The following CSMD3 variants were observed in gnomAD, a reference collection of about 807,000 sequenced individuals.
CSMD3 encodes CUB and sushi domain-containing protein 3.
Under a neutral mutation model 435.2 loss-of-function variants are expected in CSMD3, and 177 were observed. That is an observed-to-expected ratio of 0.41 (90% CI 0.36 to 0.46). CSMD3 has a LOEUF of 0.46. CSMD3 is among the 20% of genes least tolerant of loss of function. CSMD3 has a pLI of 0.34. For missense variants in CSMD3, 4,265 were observed against 4,504.6 expected, an observed-to-expected ratio of 0.95 and a Z score of 1.52; for synonymous variants, 1,656 against 1,520.5, an observed-to-expected ratio of 1.09 and a Z score of -2.07.
intron 1 of CSMD3, among the ~76,000 whole-genome samples, chr8:113,338,110 T>C (rs2094090705): frequency 6.6e-6 from 1 of 151,578 alleles, no homozygotes; most frequent in South Asian, 2.1e-4. Flanking sequence ...CAAAATGAAA[T>C]AAACAAGCCA....
intron 13 of CSMD3, among the ~76,000 whole-genome samples, chr8:112,749,901 A>G (rs2077527419): frequency 6.6e-6 from 1 of 152,132 alleles, no homozygotes; most frequent in South Asian, 2.1e-4. Context: ...ACTGCTGCAC[A>G]AAGATTAGAG....
chr8:112,597,967 A>T (rs1474249600), intron 22 of CSMD3, among the ~76,000 whole-genome samples: 1 of 145,418 alleles, frequency 6.9e-6, no homozygotes, highest in East Asian at 2.0e-4. Context: ...CAAGACAGGG[A>T]TGTCCTCTCT....
At chr8:112,682,104 C>T (rs1277248500) in intron 16 of CSMD3, among the ~76,000 whole-genome samples, 4 of 150,594 alleles carry the variant, frequency 2.7e-5, no homozygotes, top group Non-Finnish European at 4.4e-5. Flanking sequence ...GATAACATAC[C>T]GAGAAAAAAT....
chr8:112,575,524 T>C (rs1829869585), intron 23 of CSMD3, among the ~76,000 whole-genome samples: 1 of 152,064 alleles, frequency 6.6e-6, no homozygotes, highest in Non-Finnish European at 1.5e-5. Context: ...ATTTGGATAC[T>C]AGAGGGCTGT....
In CSMD3 at chr8:113,168,519, CAAAAAAAAAAA is replaced by C. The variant is rs71281204; in HGVS notation, c.709+5192_709+5202del. Among the ~76,000 whole-genome samples the C allele has an allele frequency of 9.8e-3, 166 of 17,014 alleles. 2 individuals are homozygous for C. Among genetic ancestry groups the C allele is most frequent in the Admixed American group, 0.016 (20 of 1,226 alleles). The allele number at this position is 17,014 out of a possible 152,430, so 11.2% of individuals were successfully genotyped here. On this transcript the variant is annotated intron_variant, in intron 4 of 70. Transcript: ENST00000297405. The stretch of plus-strand genomic sequence containing the variant: ...CTGGTGACAGAGCAAGACTCTGTCT[CAAAAAAAAAAA>C]AAAAAAAAAAAAAAAAACTACAGAT...
intron 61 of CSMD3, among the ~76,000 whole-genome samples, chr8:112,260,295 T>C (rs879540271): frequency 1.3e-5 from 2 of 152,128 alleles, no homozygotes; most frequent in Non-Finnish European, 2.9e-5. Context: ...ACCTTAGGCC[T>C]TATGACAATG....
At chr8:112,792,815 C>A (rs2132296685) in intron 13 of CSMD3, among the ~76,000 whole-genome samples, 1 of 152,100 alleles carries the variant, frequency 6.6e-6, no homozygotes, top group South Asian at 2.1e-4. Flanking sequence ...ATTCAAATCT[C>A]TAGCTTCTTT....
intron 1 of CSMD3, among the ~76,000 whole-genome samples, chr8:113,409,079 CTTTTTTTTTTTTT>C (rs1218107775): frequency 4.0e-5 from 4 of 99,068 alleles, no homozygotes; most frequent in Non-Finnish European, 5.8e-5. Context: ...TCTTCTTCTT[CTTTTTTTTTTTTT>C]TTTTTTTTTG....
chr8:112,318,806 GAAAT>G (rs748895920), intron 47 of CSMD3, 27 bp downstream of exon 47: 2 of 1,399,390 alleles, frequency 1.4e-6, no homozygotes, highest in Admixed American at 1.7e-5. Context: ...AAATATTTAA[GAAAT>G]AAATAATCAT....
At chr8:113,262,342 T>A (rs2093433895) in intron 3 of CSMD3, among the ~76,000 whole-genome samples, 1 of 152,082 alleles carries the variant, frequency 6.6e-6, no homozygotes, top group African/African-American at 2.4e-5. Context: ...CATCTTTTAA[T>A]CTTCTATTCT....
intron 31 of CSMD3, among the ~76,000 whole-genome samples, chr8:112,483,659 C>T (rs1438974017): frequency 6.6e-6 from 1 of 152,124 alleles, no homozygotes; most frequent in East Asian, 1.9e-4. Context: ...CCCTGATCTA[C>T]TCCAGAATCT....
At chr8:112,423,660 G>A (rs1389008363) in intron 32 of CSMD3, among the ~76,000 whole-genome samples, 5 of 152,030 alleles carry the variant, frequency 3.3e-5, no homozygotes. Flanking sequence ...GCCCAGGCTG[G>A]ACTCGAACTT....
chr8:112,349,365 T>C (rs1040299449), intron 40 of CSMD3, among the ~76,000 whole-genome samples: 1 of 151,512 alleles, frequency 6.6e-6, no homozygotes, highest in Non-Finnish European at 1.5e-5. Flanking sequence ...AAAACATTAC[T>C]ATATATATAT....
chr8:112,422,261 C>A (rs975317530), intron 32 of CSMD3, among the ~76,000 whole-genome samples: 5 of 152,154 alleles, frequency 3.3e-5, no homozygotes, highest in African/African-American at 1.2e-4. Context: ...TAAATACATT[C>A]ATCCTAAATG....
At chr8:112,652,418 A>T (rs1293807980) in intron 18 of CSMD3, among the ~76,000 whole-genome samples, 1 of 152,188 alleles carries the variant, frequency 6.6e-6, no homozygotes, top group Non-Finnish European at 1.5e-5. Context: ...AAATCAGAGA[A>T]ATGGGGGTTG....
chr8:113,291,692 A>G (rs1325943013), intron 2 of CSMD3, among the ~76,000 whole-genome samples: 3 of 151,916 alleles, frequency 2.0e-5, no homozygotes, highest in African/African-American at 7.2e-5. Flanking sequence ...TGTATCAGAT[A>G]CTGAAAGGTT....
At chr8:112,664,130 T>A (rs1376691074) in intron 17 of CSMD3, among the ~76,000 whole-genome samples, 1 of 152,172 alleles carries the variant, frequency 6.6e-6, no homozygotes, top group South Asian at 2.1e-4. Context: ...TACAAAATAA[T>A]GTTTAGTCCA....
At chr8:112,464,967 G>C (rs370614710) in intron 32 of CSMD3, among the ~76,000 whole-genome samples, 1 of 152,124 alleles carries the variant, frequency 6.6e-6, no homozygotes, top group African/African-American at 2.4e-5. Context: ...TGACCAAAAA[G>C]GTAGTAAAAT....
intron 3 of CSMD3, among the ~76,000 whole-genome samples, chr8:113,177,272 C>G (rs1460784519): frequency 6.9e-6 from 1 of 145,388 alleles, no homozygotes; most frequent in Non-Finnish European, 1.5e-5. Context: ...GATGATGTTG[C>G]TTAAAATATA....
Sources: allele counts gnomAD v4.1 joint callset (sites outside exome capture counted in the v4.1 genomes callset), GRCh38; gene constraint gnomAD v4.1.1; transcripts MANE v1.5; gene names NCBI Gene and HGNC (gene_info 2026-07-23, HGNC 2026-07-21).